Variants in GRAMD1C observed in about 807,000 individuals in gnomAD.
GRAMD1C encodes GRAM domain containing 1C.
A neutral mutation model predicts 97.8 loss-of-function variants in GRAMD1C; 89 were observed. The observed-to-expected ratio is 0.91, with a 90% CI of 0.77 to 1.09. GRAMD1C has a LOEUF of 1.09. Ranked by LOEUF, GRAMD1C falls within the 50% of genes least tolerant of loss-of-function variation. The pLI, the probability that GRAMD1C is intolerant of heterozygous loss-of-function variation, is 0.00. For missense variants in GRAMD1C, 740 were observed against 766.4 expected, an observed-to-expected ratio of 0.97 and a Z score of 0.41; for synonymous variants, 256 against 267.0, an observed-to-expected ratio of 0.96 and a Z score of 0.40.
At chr3:113,878,830 C>T (rs925200781) in intron 5 of GRAMD1C, among the ~76,000 whole-genome samples, 1 of 152,188 alleles carries the variant, frequency 6.6e-6, no homozygotes, top group Non-Finnish European at 1.5e-5. Flanking sequence ...CCCTCTCCCA[C>T]ATGGATGCCT....
At position 113,905,978 on chromosome 3, in the gene GRAMD1C, T is replaced by G. The variant is rs116196089; in HGVS notation, c.789+1706T>G. ...TCCCAAAGTGCTGGGATTACAAGTG[T>G]CAGCCACTGCAACCAGCCAGTCCCA... On this transcript the variant is annotated intron_variant, in intron 8 of 17. Transcript: ENST00000358160. Among the ~76,000 whole-genome samples the G allele has an allele frequency of 3.7e-3, 557 of 152,304 alleles. 2 individuals are homozygous for G. The highest frequency in any genetic ancestry group is 0.013 in the African/African-American group (539 of 41,568).
At chr3:113,846,420 T>G (rs1224670494) in intron 2 of GRAMD1C, among the ~76,000 whole-genome samples, 2 of 152,198 alleles carry the variant, frequency 1.3e-5, no homozygotes, top group African/African-American at 4.8e-5. Flanking sequence ...CACTGATTTT[T>G]TTTTCTAGCT....
chr3:113,833,161 G>A (rs71319384), intron 1 of GRAMD1C, among the ~76,000 whole-genome samples: 1 of 136,114 alleles, frequency 7.3e-6, no homozygotes, highest in East Asian at 2.1e-4. Flanking sequence ...TGTGTGTGAC[G>A]AGTTTTGCTC....
intron 1 of GRAMD1C, chr3:113,828,283 A>T (rs1308872853): frequency 2.0e-5 from 3 of 152,248 alleles, no homozygotes; most frequent in Non-Finnish European, 4.4e-5. Flanking sequence ...CGGCCATGTA[A>T]GTGAGACACC....
At chr3:113,865,640 TA>T (rs1350483644) in intron 2 of GRAMD1C, among the ~76,000 whole-genome samples, 1 of 151,818 alleles carries the variant, frequency 6.6e-6, no homozygotes, top group African/African-American at 2.4e-5. Flanking sequence ...TGTTAAATTT[TA>T]AAAAAAATTT....
At chr3:113,941,569 T>A (rs919015553) in intron 17 of GRAMD1C, among the ~76,000 whole-genome samples, 1 of 152,182 alleles carries the variant, frequency 6.6e-6, no homozygotes, top group African/African-American at 2.4e-5. Flanking sequence ...AATTTTCAGT[T>A]TCAAAGAGCT....
intron 9 of GRAMD1C, among the ~76,000 whole-genome samples, chr3:113,911,053 G>T (rs1936549794): frequency 2.0e-5 from 3 of 152,036 alleles, no homozygotes; most frequent in Admixed American, 2.0e-4. Context: ...TCTGGTGAGG[G>T]CTCTCTTCCT....
At chr3:113,906,258 G>A (rs539570959) in intron 8 of GRAMD1C, among the ~76,000 whole-genome samples, 1 of 152,202 alleles carries the variant, frequency 6.6e-6, no homozygotes, top group East Asian at 1.9e-4. Flanking sequence ...CCTCAGCCAG[G>A]TCCTTCAGGC....
intron 6 of GRAMD1C, among the ~76,000 whole-genome samples, chr3:113,898,065 A>G (rs1221507803): frequency 6.6e-6 from 1 of 152,122 alleles, no homozygotes; most frequent in Non-Finnish European, 1.5e-5. Context: ...TTTTCCATTA[A>G]CCTGTTATAT....
At chr3:113,944,434 G>A (rs1559831398) in intron 17 of GRAMD1C, among the ~76,000 whole-genome samples, 1 of 152,084 alleles carries the variant, frequency 6.6e-6, no homozygotes, top group East Asian at 1.9e-4. Context: ...CTCTCACCTC[G>A]ACCTGAGCTC....
intron 15 of GRAMD1C, chr3:113,938,939 T>C (rs1937638425): frequency 6.6e-6 from 1 of 152,202 alleles, no homozygotes; most frequent in Non-Finnish European, 1.5e-5. Context: ...TCCTTTGGGC[T>C]TTATGGAAGA....
At chr3:113,917,422 C>G (rs1210593731) in intron 10 of GRAMD1C, among the ~76,000 whole-genome samples, 1 of 151,844 alleles carries the variant, frequency 6.6e-6, no homozygotes, top group Non-Finnish European at 1.5e-5. Flanking sequence ...CTCCCAGGTT[C>G]AAGCGATTCT....
rs115825963 is a variant in GRAMD1C, at chr3:113,900,019, C to T, written c.541-1012C>T. On this transcript the variant is annotated intron_variant, in intron 6 of 17. Coordinates refer to ENST00000358160, the MANE Select transcript of GRAMD1C (RefSeq NM_017577.5). ...CAGGTTCTAAGCTGACAGGGCTGAA[C>T]GGTGATTCAGTGGTCATGGTAGACT... 6.0e-3 allele frequency among the ~76,000 whole-genome samples: 910 copies of T among 152,130 alleles called. 3 individuals carry two copies. Among genetic ancestry groups the T allele is most frequent in the Middle Eastern group, 0.01 (3 of 294 alleles).
At position 113,838,856 on chromosome 3, in the gene GRAMD1C, GGCGGT is replaced by G. The variant is rs543890590; in HGVS notation, c.-40_-36del. 16 of 1,206,712 alleles carry G rather than the reference GGCGGT, an allele frequency of 1.3e-5. 1 individual carries two copies. In the South Asian group the frequency reaches 1.7e-4, roughly 13 times the overall value. The allele number at this position is 1,206,712 out of a possible 1,614,324, so 74.8% of individuals were successfully genotyped here. A position where few individuals can be genotyped will look rare whatever the true frequency, so the allele number is the denominator to read the frequency against. The stretch of plus-strand genomic sequence containing the variant: ...CAGCGCGCGCTGGAGGTGGGCGCGG[GGCGGT>G]GCGGTGCGGTGCGCGCGGGGCGGTG... On this transcript the variant is annotated 5_prime_UTR_variant, in exon 1 of 18. Transcript: ENST00000358160.
chr3:113,943,740 C>G (rs879604635), intron 17 of GRAMD1C, among the ~76,000 whole-genome samples: 234 of 152,122 alleles, frequency 1.5e-3, no homozygotes, highest in African/African-American at 5.3e-3. Flanking sequence ...TTGGCGAAAC[C>G]CCGTCTCTAC....
intron 8 of GRAMD1C, among the ~76,000 whole-genome samples, chr3:113,905,525 A>G (rs1936339501): frequency 1.3e-5 from 2 of 152,210 alleles, no homozygotes; most frequent in Non-Finnish European, 2.9e-5. Context: ...TGCTAACTGT[A>G]TAAGTTAATT....
intron 8 of GRAMD1C, among the ~76,000 whole-genome samples, chr3:113,907,918 G>T (rs151154192): frequency 6.6e-6 from 1 of 152,216 alleles, no homozygotes; most frequent in Non-Finnish European, 1.5e-5. Flanking sequence ...AAATAGGCAC[G>T]TTGCTTTATA....
At chr3:113,911,196 G>A (rs1317369411) in intron 9 of GRAMD1C, among the ~76,000 whole-genome samples, 4 of 12,404 alleles carry the variant, frequency 3.2e-4, no homozygotes, top group East Asian at 2.9e-3. Flanking sequence ...ACACGCACAC[G>A]AGAGAGAGAG....
At chr3:113,887,110 T>G (rs1935534031) in intron 6 of GRAMD1C, among the ~76,000 whole-genome samples, 1 of 144,566 alleles carries the variant, frequency 6.9e-6, no homozygotes, top group African/African-American at 2.6e-5. Flanking sequence ...TTTTTTTTTT[T>G]TGAGATAGAG....
Sources: allele counts gnomAD v4.1 joint callset (sites outside exome capture counted in the v4.1 genomes callset), GRCh38; gene constraint gnomAD v4.1.1; transcripts MANE v1.5; gene names NCBI Gene and HGNC (gene_info 2026-07-23, HGNC 2026-07-21).